The following ADGRL3 variants were observed in gnomAD, a reference collection of about 807,000 sequenced individuals.
ADGRL3 encodes calcium-independent alpha-latrotoxin receptor 3.
In ADGRL3, 62 loss-of-function variants were observed where a neutral mutation model predicts 153.5. That is an observed-to-expected ratio of 0.40 (90% CI 0.33 to 0.50). The LOEUF (loss-of-function observed/expected upper bound fraction) is 0.50, where lower values mean the gene tolerates loss of function less well. Among genes scored for constraint, ADGRL3 ranks in the 20% least tolerant of loss-of-function variants. The probability of loss-of-function intolerance (pLI) is 0.47; values close to 1 mark genes in which losing one functional copy is unlikely to be tolerated. For synonymous variants in ADGRL3, 710 were observed against 672.5 expected (o/e 1.06, Z -0.86); for missense variants, 1,641 against 1,859.4 (o/e 0.88, Z 2.16).
At chr4:61,879,001 A>G (rs968598842) in intron 9 of ADGRL3, among the ~76,000 whole-genome samples, 8 of 152,104 alleles carry the variant, frequency 5.3e-5, no homozygotes, top group African/African-American at 1.9e-4. Flanking sequence ...GATTTTTTTG[A>G]AAAGATTGTT....
At chr4:62,041,047 C>T (rs1345717806) in intron 24 of ADGRL3, among the ~76,000 whole-genome samples, 1 of 151,934 alleles carries the variant, frequency 6.6e-6, no homozygotes, top group Non-Finnish European at 1.5e-5. Flanking sequence ...AGAGACAGAT[C>T]CCTAGGTATT....
Position 61,360,017 on chromosome 4 carries a change from A to G in ADGRL3, c.-239-23107A>G, listed in dbSNP as rs564445095. Among the ~76,000 whole-genome samples, 15 of 152,230 alleles carry G rather than the reference A, an allele frequency of 9.9e-5. 1 individual carries two copies. Among genetic ancestry groups the G allele is most frequent in the African/African-American group, 3.4e-4 (14 of 41,558 alleles). On this transcript the variant is annotated intron_variant, in intron 1 of 26. Transcript: ENST00000683033. ...ATTTTTCAGCTGATGTTTCATCTCA[A>G]TTGCATTTCTATGGAATAAAATGTC...
chr4:61,255,341 G>T (rs141796957), intron 1 of ADGRL3, among the ~76,000 whole-genome samples: 68 of 152,260 alleles, frequency 4.5e-4, no homozygotes, highest in African/African-American at 1.6e-3. Context: ...ATAGTTTTGA[G>T]ATTCTTCTTA....
At chr4:61,259,900 A>T (rs77516628) in intron 1 of ADGRL3, among the ~76,000 whole-genome samples, 11,481 of 152,224 alleles carry the variant, frequency 0.075, 401 homozygotes, top group Non-Finnish European at 0.091. Context: ...TTCAAAAATC[A>T]TTACTTTATG....
intron 4 of ADGRL3, among the ~76,000 whole-genome samples, chr4:61,533,272 G>GAT (rs1317677420): frequency 6.6e-6 from 1 of 152,160 alleles, no homozygotes; most frequent in Non-Finnish European, 1.5e-5. Context: ...AAATCATTGT[G>GAT]ATGTGGCAAG....
chr4:61,980,277 C>T (rs999319328), intron 18 of ADGRL3, among the ~76,000 whole-genome samples: 1 of 148,576 alleles, frequency 6.7e-6, no homozygotes, highest in Non-Finnish European at 1.5e-5. Context: ...GTTTATCCCC[C>T]CTTTCCCACT....
intron 4 of ADGRL3, among the ~76,000 whole-genome samples, chr4:61,580,941 G>A (rs748602719): frequency 7.9e-5 from 12 of 152,018 alleles, no homozygotes; most frequent in Non-Finnish European, 1.2e-4. Flanking sequence ...ACATTCAAGA[G>A]AAAAGGGAAG....
chr4:61,966,573 G>GTTGT lies in ADGRL3; in HGVS notation c.2806-12990_2806-12989insTTGT, dbSNP rs1553896731. Among the ~76,000 whole-genome samples the GTTGT allele has an allele frequency of 4.1e-5, 6 of 146,038 alleles. No homozygotes were observed. The South Asian group carries it at 1.3e-3, about 32-fold the overall frequency. ...ACCTTTAAGAAGTACTTTCAAAAGG[G>GTTGT]GTGTGTGTGTGTGTGTGTGTGTGTG... On this transcript the variant is annotated intron_variant, in intron 17 of 26. Coordinates refer to ENST00000683033, the MANE Select transcript of ADGRL3 (RefSeq NM_001387552.1).
chr4:61,465,228 G>A (rs1005414389), intron 2 of ADGRL3, among the ~76,000 whole-genome samples: 4 of 152,100 alleles, frequency 2.6e-5, no homozygotes, highest in Admixed American at 6.6e-5. Context: ...ACGTAAGAAA[G>A]TATACAAATA....
chr4:61,423,479 T>A (rs2097235368), intron 2 of ADGRL3, among the ~76,000 whole-genome samples: 1 of 152,236 alleles, frequency 6.6e-6, no homozygotes, highest in Non-Finnish European at 1.5e-5. Context: ...TTGTGTTAGA[T>A]AATCTGGACT....
chr4:61,742,707 G>C (rs915585185), intron 8 of ADGRL3, among the ~76,000 whole-genome samples: 4 of 151,968 alleles, frequency 2.6e-5, no homozygotes, highest in African/African-American at 9.7e-5. Context: ...CTAAATTATC[G>C]GATAATAATG....
rs1431370786 is a variant in ADGRL3 at position 61,366,674 on chromosome 4, AT to A, written c.-239-16444del. Among the ~76,000 whole-genome samples the A allele has an allele frequency of 2.6e-5, 4 of 152,090 alleles. No homozygotes were observed. In the East Asian group the frequency reaches 7.7e-4, roughly 29 times the overall value. ...ATTTGCTATTTAATATTTAGGTAAT[AT>A]TTTTTAGTAAATTTGCTTTTGTATT... On this transcript the variant is annotated intron_variant, in intron 1 of 26. Transcript: ENST00000683033.
At chr4:61,543,546 T>C (rs1261746168) in intron 4 of ADGRL3, among the ~76,000 whole-genome samples, 1 of 152,214 alleles carries the variant, frequency 6.6e-6, no homozygotes, top group African/African-American at 2.4e-5. Flanking sequence ...ATTTGTGTTG[T>C]AGTAAGCCAC....
intron 2 of ADGRL3, among the ~76,000 whole-genome samples, chr4:61,446,778 T>A (rs2097587360): frequency 1.3e-5 from 2 of 152,164 alleles, no homozygotes; most frequent in Non-Finnish European, 2.9e-5. Flanking sequence ...GAAATCAGCA[T>A]CATTCCTAGT....
At chr4:61,916,995 T>G (rs551796804) in intron 13 of ADGRL3, among the ~76,000 whole-genome samples, 10 of 152,238 alleles carry the variant, frequency 6.6e-5, no homozygotes, top group African/African-American at 2.4e-4. Context: ...TATTAGGCAT[T>G]AATTATGTGC....
At position 62,074,659 on chromosome 4, in the gene ADGRL3, A is replaced by G. The variant is rs1746590931; in HGVS notation, c.*3751A>G. ...TTGAAGTAACAATAATCAGGAAAAT[A>G]TCTAACAAAAAGCACGTAAGGGAAA... On this transcript the variant is annotated 3_prime_UTR_variant, in exon 27 of 27. Coordinates refer to ENST00000683033, the MANE Select transcript of ADGRL3 (RefSeq NM_001387552.1). 6.6e-6 allele frequency: 1 copy of G among 152,184 alleles called. No homozygotes were observed. 9.4% of individuals were successfully genotyped at this position (152,184 alleles called of 1,614,324 possible). A position where few individuals can be genotyped will look rare whatever the true frequency, so the allele number is the denominator to read the frequency against.
chr4:61,972,733 A>G (rs1357061255), intron 17 of ADGRL3, among the ~76,000 whole-genome samples: 1 of 152,138 alleles, frequency 6.6e-6, no homozygotes, highest in African/African-American at 2.4e-5. Context: ...CATTGAATCT[A>G]TAAATTACCT....
intron 5 of ADGRL3, among the ~76,000 whole-genome samples, chr4:61,647,923 A>G (rs926159206): frequency 1.4e-4 from 21 of 152,144 alleles, no homozygotes; most frequent in African/African-American, 4.6e-4. Context: ...ACTTTCTCCA[A>G]AGCAAAATAA....
At chr4:62,022,159 C>G (rs77817385) in intron 21 of ADGRL3, among the ~76,000 whole-genome samples, 1 of 152,092 alleles carries the variant, frequency 6.6e-6, no homozygotes, top group African/African-American at 2.4e-5. Flanking sequence ...AGCAAAATAG[C>G]CTTATTGCCT....
Sources: gnomAD v4.1 joint callset for allele counts (sites outside exome capture counted in the v4.1 genomes callset) on GRCh38, gnomAD v4.1.1 for gene constraint, MANE v1.5 for transcripts, NCBI Gene and HGNC (gene_info 2026-07-23, HGNC 2026-07-21) for gene names.